PDE10A: variants seen among roughly 807,000 people sequenced by gnomAD.
PDE10A encodes phosphodiesterase 10A.
In PDE10A, 39 loss-of-function variants were observed where a neutral mutation model predicts 97.7. The ratio of observed to expected loss-of-function variants is 0.40; its 90% CI spans 0.31 to 0.52. PDE10A has a LOEUF of 0.52. PDE10A is among the 20% of genes least tolerant of loss of function. The pLI, the probability that PDE10A is intolerant of heterozygous loss-of-function variation, is 0.56. For missense variants in PDE10A, 731 were observed against 1,047.8 expected (o/e 0.70, Z 4.17); for synonymous variants, 371 against 376.8 (o/e 0.98, Z 0.18).
At chr6:165,483,791 T>A (rs1288425126) in intron 2 of PDE10A, among the ~76,000 whole-genome samples, 1 of 152,196 alleles carries the variant, frequency 6.6e-6, no homozygotes. Context: ...CCACTACAGA[T>A]CTGAAAATTA....
Position 165,637,632 on chromosome 6 carries a change from T to C in PDE10A, c.865+24315A>G, listed in dbSNP as rs78761849. On this transcript the variant is annotated intron_variant, in intron 1 of 21. Coordinates refer to ENST00000539869, the MANE Select transcript of PDE10A (RefSeq NM_001385079.1). ...AACCCCACTTTGTTTCCAGGCATCA[T>C]GTTAAGTGGCAAAAGGTTCTGCGTC... Among the ~76,000 whole-genome samples, 706 of 152,238 alleles carry C rather than the reference T, an allele frequency of 4.6e-3. 27 individuals are homozygous for C. The East Asian group carries it at 0.089, about 19-fold the overall frequency.
chr6:165,492,810 A>G (rs1262903022), intron 2 of PDE10A, among the ~76,000 whole-genome samples: 2 of 152,184 alleles, frequency 1.3e-5, no homozygotes, highest in East Asian at 3.8e-4. Flanking sequence ...CACCAGTTCT[A>G]TTCAACATAG....
At chr6:165,793,704 G>A (rs1012634921) in intron 1 of PDE10A, among the ~76,000 whole-genome samples, 1 of 152,206 alleles carries the variant, frequency 6.6e-6, no homozygotes, top group Non-Finnish European at 1.5e-5. Flanking sequence ...GCCAAGTGGT[G>A]GCACTTAGAT....
chr6:165,499,427 T>C (rs1313806775), intron 2 of PDE10A, among the ~76,000 whole-genome samples: 1 of 152,148 alleles, frequency 6.6e-6, no homozygotes, highest in Non-Finnish European at 1.5e-5. Flanking sequence ...TACTAACTAA[T>C]AAAGACTAGG....
chr6:165,860,512 A>G (rs1329077252), intron 1 of PDE10A, among the ~76,000 whole-genome samples: 2 of 152,192 alleles, frequency 1.3e-5, no homozygotes, highest in African/African-American at 4.8e-5. Context: ...TACCCTGGGC[A>G]AAGGACCCTT....
rs561744156 is a variant in PDE10A at position 165,643,601 on chromosome 6, G to A, written c.865+18346C>T. 2.0e-5 allele frequency among the ~76,000 whole-genome samples: 3 copies of A among 152,228 alleles called. No homozygotes were observed. The East Asian group carries it at 5.8e-4, about 29-fold the overall frequency. On this transcript the variant is annotated intron_variant, in intron 1 of 21. Transcript: ENST00000539869. ...AAGTGAAATAAGCCAGGCACAGAAAGACAAATACTGAATGACCTCGCTTAT... is the reference window on the plus strand; with the variant it reads ...AAGTGAAATAAGCCAGGCACAGAAAAACAAATACTGAATGACCTCGCTTAT...
chr6:165,596,304 G>C (rs1189453705), intron 1 of PDE10A, among the ~76,000 whole-genome samples: 1 of 152,184 alleles, frequency 6.6e-6, no homozygotes, highest in African/African-American at 2.4e-5. Flanking sequence ...GCCACCACCA[G>C]CCCTTGCCTG....
chr6:165,656,177 T>C (rs941085350), intron 1 of PDE10A, among the ~76,000 whole-genome samples: 2 of 150,914 alleles, frequency 1.3e-5, no homozygotes, highest in African/African-American at 4.9e-5. Flanking sequence ...TCAATTCTCA[T>C]ACTTCCCATT....
At chr6:165,426,759 T>C (rs988051786) in intron 10 of PDE10A, among the ~76,000 whole-genome samples, 3 of 152,234 alleles carry the variant, frequency 2.0e-5, no homozygotes, top group South Asian at 2.1e-4. Flanking sequence ...TATGAAGAAC[T>C]CTTAACAAGT....
chr6:165,674,691 G>A (rs1443184957), intron 1 of PDE10A, among the ~76,000 whole-genome samples: 1 of 152,198 alleles, frequency 6.6e-6, no homozygotes, highest in Non-Finnish European at 1.5e-5. Flanking sequence ...AAGGAGAGAA[G>A]CTGCTAGCAG....
At chr6:165,648,985 G>C (rs1274745210) in intron 1 of PDE10A, among the ~76,000 whole-genome samples, 1 of 151,994 alleles carries the variant, frequency 6.6e-6, no homozygotes, top group Non-Finnish European at 1.5e-5. Context: ...CAGAAAAAGA[G>C]AGCAATCGCC....
intron 20 of PDE10A, among the ~76,000 whole-genome samples, chr6:165,337,733 A>G (rs924894775): frequency 6.6e-6 from 1 of 152,252 alleles, no homozygotes; most frequent in African/African-American, 2.4e-5. Context: ...ACAAACGATT[A>G]TCTTAGTTAA....
chr6:165,471,284 T>A (rs1778987879), intron 3 of PDE10A, among the ~76,000 whole-genome samples: 1 of 152,160 alleles, frequency 6.6e-6, no homozygotes, highest in African/African-American at 2.4e-5. Context: ...CCCTTAGAAG[T>A]CTCAGGCTTC....
chr6:165,869,238 G>A (rs544295767), intron 1 of PDE10A, among the ~76,000 whole-genome samples: 4 of 151,522 alleles, frequency 2.6e-5, no homozygotes, highest in South Asian at 2.1e-4. Context: ...TGACATATTC[G>A]GTAAAGTTGC....
At chr6:165,654,853 C>A (rs880122) in intron 1 of PDE10A, among the ~76,000 whole-genome samples, 8,585 of 152,248 alleles carry the variant, frequency 0.056, 369 homozygotes, top group South Asian at 0.2. Flanking sequence ...CTTGAGGCTC[C>A]GCTTCTGAAC....
intron 1 of PDE10A, among the ~76,000 whole-genome samples, chr6:165,838,456 CAGTGGTTTTTAGTAT>C (rs1780126554): frequency 6.6e-6 from 1 of 152,022 alleles, no homozygotes; most frequent in Non-Finnish European, 1.5e-5. Context: ...ATGTACAATC[CAGTGGTTTTTAGTAT>C]ATTTTCAAGA....
At chr6:165,481,518 TTA>T (rs755601246) in intron 3 of PDE10A, among the ~76,000 whole-genome samples, 19 of 152,218 alleles carry the variant, frequency 1.2e-4, no homozygotes, top group Non-Finnish European at 2.2e-4. Context: ...GTTTTTCAAT[TTA>T]TGTCTTACAA....
intron 1 of PDE10A, among the ~76,000 whole-genome samples, chr6:165,956,697 T>C (rs947588839): frequency 2.0e-5 from 3 of 152,192 alleles, no homozygotes; most frequent in South Asian, 4.1e-4. Flanking sequence ...TAACTATTAA[T>C]ACAAGGAGCT....
At chr6:165,880,193 G>A (rs1041921467) in intron 1 of PDE10A, among the ~76,000 whole-genome samples, 1 of 152,180 alleles carries the variant, frequency 6.6e-6, no homozygotes, top group African/African-American at 2.4e-5. Flanking sequence ...CTGCCAGACG[G>A]CATCTTTGGG....
Sources: allele counts gnomAD v4.1 joint callset (sites outside exome capture counted in the v4.1 genomes callset), GRCh38; gene constraint gnomAD v4.1.1; transcripts MANE v1.5; gene names NCBI Gene and HGNC (gene_info 2026-07-23, HGNC 2026-07-21).